The following CCDC15 variants were observed in gnomAD, a reference collection of about 807,000 sequenced individuals.
CCDC15 encodes coiled-coil domain containing 15.
A neutral mutation model predicts 114.5 loss-of-function variants in CCDC15; 105 were observed. The observed-to-expected ratio is 0.92, with a 90% CI of 0.78 to 1.08. The LOEUF is 1.08. Among genes scored for constraint, CCDC15 ranks in the 50% least tolerant of loss-of-function variants. CCDC15 has a pLI of 0.00. For missense variants in CCDC15, 1,105 were observed against 1,093.6 expected (o/e 1.01, Z -0.15); for synonymous variants, 334 against 377.8 (o/e 0.88, Z 1.34).
At position 124,987,532 on chromosome 11, in the gene CCDC15, A is replaced by G; in HGVS notation, c.1306A>G (p.Lys436Glu). ...ACTCAAAGACCACTGTGTTCTCCCT[A>G]AAGACCAGAGTATTCTACTCAAATA... is the stretch of plus-strand genomic sequence containing the variant. The part of the protein sequence containing the change: ...VLLKDHCVLP[K>E]DQSILLKYQD... The change falls in exon 8 of 16, where the codon AAA (lysine) becomes GAA (glutamate). Residue 436 changes from lysine (K) to glutamate (E), a missense_variant. By Grantham distance (56) the Lys-to-Glu change is moderately conservative. Coordinates refer to ENST00000344762, the MANE Select transcript of CCDC15 (RefSeq NM_025004.3). The G allele has an allele frequency of 2.5e-6, 4 of 1,614,034 alleles. No homozygotes were observed. Among genetic ancestry groups the G allele is most frequent in the Non-Finnish European group, 3.4e-6 (4 of 1,179,882 alleles).
intron 13 of CCDC15, 27 bp downstream of exon 13, chr11:125,005,239 C>T (rs767369289): frequency 1.0e-6 from 1 of 979,114 alleles, no homozygotes; most frequent in Middle Eastern, 2.2e-4. Flanking sequence ...GCTCTGTGAG[C>T]CTTAAATTGC....
chr11:124,972,208 A>G (rs1013908129), intron 4 of CCDC15, among the ~76,000 whole-genome samples: 5 of 152,186 alleles, frequency 3.3e-5, no homozygotes, highest in African/African-American at 1.2e-4. Context: ...TAGAGATTTA[A>G]TCGTAGTCTG....
intron 4 of CCDC15, among the ~76,000 whole-genome samples, chr11:124,973,623 A>G (rs12294043): frequency 0.2 from 30,820 of 151,828 alleles, 3,720 homozygotes; most frequent in African/African-American, 0.33. Context: ...AAGCCATAAA[A>G]TTTATTTTAT....
intron 4 of CCDC15, among the ~76,000 whole-genome samples, chr11:124,971,174 A>C (rs1294914541): frequency 6.6e-6 from 1 of 152,182 alleles, no homozygotes; most frequent in Non-Finnish European, 1.5e-5. Flanking sequence ...CAGTGCAAGC[A>C]AAGTTTTGTT....
chr11:124,968,797 C>T (rs1363484898), intron 4 of CCDC15, among the ~76,000 whole-genome samples: 1 of 152,112 alleles, frequency 6.6e-6, no homozygotes, highest in African/African-American at 2.4e-5. Context: ...GAATGGACCC[C>T]CCAATTCTTT....
At chr11:125,038,210 G>A (rs1049916389) in intron 13 of CCDC15, 3 of 318,086 alleles carry the variant, frequency 9.4e-6, no homozygotes, top group African/African-American at 4.3e-5. Context: ...ATGAGCCACC[G>A]CACCTAGCCA....
At chr11:125,011,248 A>T (rs6590116) in intron 13 of CCDC15, among the ~76,000 whole-genome samples, 141,447 of 147,174 alleles carry the variant, frequency 0.96, 68,021 homozygotes, top group East Asian at 1. Context: ...TATTATTATT[A>T]TTTTTTAAGA....
intron 13 of CCDC15, among the ~76,000 whole-genome samples, chr11:125,022,431 A>C (rs972053365): frequency 5.9e-5 from 9 of 151,998 alleles, no homozygotes; most frequent in African/African-American, 2.2e-4. Context: ...TTGTAGCTCA[A>C]GAAAGACTGG....
Position 125,038,419 on chromosome 11 carries a change from T to G in CCDC15, c.2412-12T>G. 7.1e-7 allele frequency: 1 copy of G among 1,417,780 alleles called. No homozygotes were observed. Among genetic ancestry groups the G allele is most frequent in the South Asian group, 1.6e-5 (1 of 63,654 alleles). 87.8% of individuals were successfully genotyped at this position (1,417,780 alleles called of 1,614,324 possible). The stretch of plus-strand genomic sequence containing the variant: ...TATGAAATTCCTAACCATGTTATGA[T>G]TTTATTTTCAGAATTAAGAAAAAGA... On this transcript the variant is annotated splice_polypyrimidine_tract_variant and intron_variant, in intron 13 of 15. Coordinates refer to ENST00000344762, the MANE Select transcript of CCDC15 (RefSeq NM_025004.3).
chr11:125,000,973 C>T (rs1293420340), intron 11 of CCDC15, among the ~76,000 whole-genome samples: 1 of 152,098 alleles, frequency 6.6e-6, no homozygotes, highest in African/African-American at 2.4e-5. Context: ...TATGATTGAT[C>T]CGTTAACATG....
At chr11:125,038,843 A>G (rs1389023365) in intron 14 of CCDC15, 78 bp from the exon 15 acceptor site, 1 of 1,479,146 alleles carries the variant, frequency 6.8e-7, no homozygotes, top group Non-Finnish European at 9.3e-7. Flanking sequence ...TAACAGTTAA[A>G]TCTGGCTGTA....
intron 11 of CCDC15, among the ~76,000 whole-genome samples, chr11:124,994,527 T>C (rs556633408): frequency 6.6e-6 from 1 of 152,310 alleles, no homozygotes; most frequent in South Asian, 2.1e-4. Context: ...GGTATATTTC[T>C]GATGGCCATT....
In CCDC15 at chr11:124,999,103, G is replaced by C. The variant is rs568485476; in HGVS notation, c.2215-4764G>C. Among the ~76,000 whole-genome samples the C allele has an allele frequency of 7.2e-5, 11 of 151,782 alleles. No homozygotes were observed. In the South Asian group the frequency reaches 1.7e-3, roughly 23 times the overall value. On this transcript the variant is annotated intron_variant, in intron 11 of 15. Transcript: ENST00000344762. The stretch of plus-strand genomic sequence containing the variant: ...AGAAACATTTTTCCACTGTCTTCTG[G>C]TTTCCAGTCTTCGATAGCAAATTTG...
intron 1 of CCDC15, 54 bp from the exon 2 acceptor site, chr11:124,954,670 G>A: frequency 6.5e-7 from 1 of 1,541,288 alleles, no homozygotes; most frequent in Non-Finnish European, 8.9e-7. Context: ...TTAGGAGGTT[G>A]AACTTTTAAT....
intron 6 of CCDC15, among the ~76,000 whole-genome samples, chr11:124,979,446 C>A (rs911297485): frequency 2.6e-5 from 4 of 152,104 alleles, no homozygotes; most frequent in Non-Finnish European, 4.4e-5. Flanking sequence ...TTTGTGTCAT[C>A]TCTGATTTCT....
intron 11 of CCDC15, among the ~76,000 whole-genome samples, chr11:125,001,613 A>G (rs973868385): frequency 6.6e-6 from 1 of 152,086 alleles, no homozygotes; most frequent in Non-Finnish European, 1.5e-5. Flanking sequence ...GTCTTTACAG[A>G]TTTGCCTATT....
intron 6 of CCDC15, among the ~76,000 whole-genome samples, chr11:124,981,045 T>C (rs1167913514): frequency 1.3e-5 from 2 of 152,248 alleles, no homozygotes; most frequent in African/African-American, 2.4e-5. Context: ...GAGCAGGTTG[T>C]TTAATTTCCA....
Position 124,954,785 on chromosome 11 carries a change from T to G in CCDC15, c.53T>G (p.Leu18Arg). The G allele has an allele frequency of 1.9e-6, 3 of 1,614,038 alleles. No homozygotes were observed. The highest frequency in any genetic ancestry group is 2.5e-6 in the Non-Finnish European group (3 of 1,179,896). Residue 18 changes from leucine (L) to arginine (R), a missense_variant, in exon 2 of 16, where the codon CTG becomes CGG. Coordinates refer to ENST00000344762, the MANE Select transcript of CCDC15 (RefSeq NM_025004.3). ...KKPRNTSRLP[L>R]ALNPLKSKDV... ...CCTCGAAATACCTCAAGGTTGCCCC[T>G]GGCTTTAAACCCCCTGAAGAGCAAG...
At chr11:124,969,780 A>T (rs116699722) in intron 4 of CCDC15, among the ~76,000 whole-genome samples, 1,599 of 152,352 alleles carry the variant, frequency 0.01, 34 homozygotes, top group African/African-American at 0.037. Flanking sequence ...TGAAGAATAC[A>T]CATGGGTTAA....
Sources: gnomAD v4.1 joint callset for allele counts (sites outside exome capture counted in the v4.1 genomes callset) on GRCh38, gnomAD v4.1.1 for gene constraint, MANE v1.5 for transcripts, NCBI Gene and HGNC (gene_info 2026-07-23, HGNC 2026-07-21) for gene names.